The following NUDT21 variants were observed in gnomAD, a reference collection of about 807,000 sequenced individuals.
The protein encoded by NUDT21 is nudix hydrolase 21, also known as cleavage and polyadenylation specificity factor subunit 5.
Under a neutral mutation model 29.8 loss-of-function variants are expected in NUDT21, and 5 were observed. The observed-to-expected ratio is 0.17, with a 90% confidence interval of 0.09 to 0.35. The LOEUF is 0.35. NUDT21 is among the 10% of genes least tolerant of loss of function. NUDT21 has a pLI of 1.00. For synonymous variants in NUDT21, 113 were observed against 98.5 expected (o/e 1.15, Z -0.87); for missense variants, 76 against 276.0 (o/e 0.28, Z 5.13).
In NUDT21 at chr16:56,432,389, C is replaced by A. The variant is rs1280562105; in HGVS notation, c.*323G>T. 4 of 224,102 alleles carry A rather than the reference C, an allele frequency of 1.8e-5. No homozygotes were observed. The highest frequency in any genetic ancestry group is 3.5e-5 in the Non-Finnish European group (4 of 114,580). The allele number at this position is 224,102 out of a possible 1,614,324, so 13.9% of individuals were successfully genotyped here. ...GTCATTGTGTTGCAACATTCACCAT[C>A]CTAAGGTGGGGGGAAAAATGATCCT... On this transcript the variant is annotated 3_prime_UTR_variant, in exon 7 of 7. Transcript: ENST00000300291.
chr16:56,439,565 A>C lies in NUDT21; in HGVS notation c.471+92T>G. 3.5e-6 allele frequency: 3 copies of C among 856,518 alleles called. No homozygotes were observed. In the South Asian group the frequency reaches 4.3e-5, roughly 12 times the overall value. The allele number at this position is 856,518 out of a possible 1,614,324, so 53.1% of individuals were successfully genotyped here. On this transcript the variant is annotated intron_variant, in intron 4 of 6. Transcript: ENST00000300291. ...AAGGAGGGAAGAAAAGAAAATTTCA[A>C]GTCAAATTCTACTTTAATCTTTTTT...
chr16:56,447,632 A>G, intron 2 of NUDT21, 157 bp downstream of exon 2: 2 of 637,826 alleles, frequency 3.1e-6, no homozygotes, highest in South Asian at 1.9e-5. Flanking sequence ...GAGCACTGCA[A>G]TGGAGAAAAA....
chr16:56,431,631 A>C lies in NUDT21; in HGVS notation c.*1081T>G, dbSNP rs1288551776. 1 of 152,206 alleles carries C rather than the reference A, an allele frequency of 6.6e-6. No homozygotes were observed. Among genetic ancestry groups the C allele is most frequent in the Non-Finnish European group, 1.5e-5 (1 of 68,044 alleles). 9.4% of individuals were successfully genotyped at this position (152,206 alleles called of 1,614,324 possible). A position where few individuals can be genotyped will look rare whatever the true frequency, so the allele number is the denominator to read the frequency against. ...TCAACAAGTCTGTAATAAGGCATACATGCTATACTTTGATCATTAAATAAT... is the reference window on the plus strand; with the variant it reads ...TCAACAAGTCTGTAATAAGGCATACCTGCTATACTTTGATCATTAAATAAT... On this transcript the variant is annotated 3_prime_UTR_variant, in exon 7 of 7. Coordinates refer to ENST00000300291, the MANE Select transcript of NUDT21 (RefSeq NM_007006.3).
chr16:56,435,597 G>A lies in NUDT21; in HGVS notation c.472-768C>T, dbSNP rs747387403. Among the ~76,000 whole-genome samples the A allele has an allele frequency of 1.6e-3, 231 of 147,450 alleles. No individual in the cohort carries two copies. The Middle Eastern group carries it at 0.035, about 22-fold the overall frequency. On this transcript the variant is annotated intron_variant, in intron 4 of 6. Coordinates refer to ENST00000300291, the MANE Select transcript of NUDT21 (RefSeq NM_007006.3). ...AAAAATTAGCCAGGCGTGGTGGCGG[G>A]CGCCTGTAGTCCCAGCTACTCGGGA... is the stretch of plus-strand genomic sequence containing the variant.
rs557951016 is a variant in NUDT21, at chr16:56,429,295, T to C, written c.*3417A>G. On this transcript the variant is annotated 3_prime_UTR_variant, in exon 7 of 7. Coordinates refer to ENST00000300291, the MANE Select transcript of NUDT21 (RefSeq NM_007006.3). The stretch of plus-strand genomic sequence containing the variant: ...CAGAAAAGTTCTCAAAACCAAACTA[T>C]AAATGATGCTTGAATACTATGATGT... 3.9e-5 allele frequency: 6 copies of C among 152,376 alleles called. No individual in the cohort carries two copies. The highest frequency in any genetic ancestry group is 1.4e-4 in the African/African-American group (6 of 41,582). The allele number at this position is 152,376 out of a possible 1,614,324, so 9.4% of individuals were successfully genotyped here. A position where few individuals can be genotyped will look rare whatever the true frequency, so the allele number is the denominator to read the frequency against.
intron 3 of NUDT21, among the ~76,000 whole-genome samples, chr16:56,441,063 T>G (rs1004408471): frequency 6.6e-6 from 1 of 151,788 alleles, no homozygotes; most frequent in Non-Finnish European, 1.5e-5. Flanking sequence ...TTTTAAGAGA[T>G]AGGGTCTTGC....
chr16:56,446,586 G>A, intron 3 of NUDT21, 40 bp downstream of exon 3: 5 of 1,171,858 alleles, frequency 4.3e-6, no homozygotes, highest in Non-Finnish European at 6.2e-6. Context: ...CAAATAACTA[G>A]TAAGTTGATG....
Position 56,444,393 on chromosome 16 carries a change from G to C in NUDT21, c.381+2233C>G, listed in dbSNP as rs545887959. ...GAGGTCAGGAGTTCGAGACCAACCTGGCCGACACGGTGAAACCCCATCTCT... is the reference window on the plus strand; with the variant it reads ...GAGGTCAGGAGTTCGAGACCAACCTCGCCGACACGGTGAAACCCCATCTCT... On this transcript the variant is annotated intron_variant, in intron 3 of 6. Transcript: ENST00000300291. Among the ~76,000 whole-genome samples the C allele has an allele frequency of 2.0e-5, 3 of 152,118 alleles. No homozygotes were observed. In the South Asian group the frequency reaches 6.2e-4, roughly 32 times the overall value.
chr16:56,435,768 T>TATATATATAC (rs1962096262), intron 4 of NUDT21, among the ~76,000 whole-genome samples: 1 of 97,190 alleles, frequency 1.0e-5, no homozygotes, highest in South Asian at 4.1e-4. Flanking sequence ...TATATATATA[T>TATATATATAC]ATATATATAT....
rs1479587879 is a variant in NUDT21, at chr16:56,429,490, G to GT, written c.*3221dup. ...TCTAGAGTTACCTAGGTTTTAGTAA[G>GT]TTTTTTTCCACAAAAACAAGCTTAA... On this transcript the variant is annotated 3_prime_UTR_variant, in exon 7 of 7. Coordinates refer to ENST00000300291, the MANE Select transcript of NUDT21 (RefSeq NM_007006.3). 2.6e-5 allele frequency: 4 copies of GT among 152,080 alleles called. No individual in the cohort carries two copies. The highest frequency in any genetic ancestry group is 9.7e-5 in the African/African-American group (4 of 41,404). The allele number at this position is 152,080 out of a possible 1,614,324, so 9.4% of individuals were successfully genotyped here. A position where few individuals can be genotyped will look rare whatever the true frequency, so the allele number is the denominator to read the frequency against.
At chr16:56,442,931 C>T (rs1479062420) in intron 3 of NUDT21, among the ~76,000 whole-genome samples, 1 of 151,944 alleles carries the variant, frequency 6.6e-6, no homozygotes, top group East Asian at 1.9e-4. Flanking sequence ...GCTAAAATGT[C>T]TTTTTAATAG....
chr16:56,451,093 A>T lies in NUDT21; in HGVS notation c.110T>A (p.Ile37Asn). 1 of 1,613,106 alleles carries T rather than the reference A, an allele frequency of 6.2e-7. No individual in the cohort carries two copies. The highest frequency in any genetic ancestry group is 8.5e-7 in the Non-Finnish European group (1 of 1,179,284). Residue 37 changes from isoleucine (I) to asparagine (N), a missense_variant, in exon 1 of 7, where the codon ATC becomes AAC. Ile to Asn is a moderately radical substitution (Grantham distance 149). Around this residue, in one of 5 missense-constraint regions of NUDT21, gnomAD observed 20 missense variants for 26.3 expected, o/e 0.76. Transcript: ENST00000300291. ...QTKPLTLERT[I>N]NLYPLTNYTF... is the part of the protein sequence containing the mutation. ...AAGGCCGCGCCGCACTTACAGGTTG[A>T]TGGTGCGCTCCAGGGTGAGGGGCTT...
At chr16:56,437,014 CA>C (rs1208494832) in intron 4 of NUDT21, among the ~76,000 whole-genome samples, 7 of 151,388 alleles carry the variant, frequency 4.6e-5, no homozygotes, top group African/African-American at 1.5e-4. Flanking sequence ...TTCAGGAAGC[CA>C]AAAAAAAGTT....
At chr16:56,450,053 G>C (rs576322381) in intron 1 of NUDT21, among the ~76,000 whole-genome samples, 11 of 152,252 alleles carry the variant, frequency 7.2e-5, no homozygotes, top group African/African-American at 2.6e-4. Flanking sequence ...TTTGGTTGGG[G>C]GACGGGGAGA....
intron 3 of NUDT21, among the ~76,000 whole-genome samples, chr16:56,441,951 G>A (rs1962164202): frequency 6.6e-6 from 1 of 152,100 alleles, no homozygotes; most frequent in African/African-American, 2.4e-5. Flanking sequence ...GCGCAATGGC[G>A]CGATCTCCAC....
chr16:56,450,805 G>T (rs1164751454), intron 1 of NUDT21, among the ~76,000 whole-genome samples: 3 of 152,242 alleles, frequency 2.0e-5, no homozygotes, highest in Admixed American at 2.0e-4. Context: ...GTTACCTCTG[G>T]AGAGGTGGGG....
At chr16:56,446,008 T>C (rs1045262182) in intron 3 of NUDT21, among the ~76,000 whole-genome samples, 3 of 152,202 alleles carry the variant, frequency 2.0e-5, no homozygotes, top group Non-Finnish European at 4.4e-5. Flanking sequence ...ATGAGCTTTG[T>C]AACAGGGGCA....
Position 56,442,510 on chromosome 16 carries a change from A to C in NUDT21, c.382-2764T>G, listed in dbSNP as rs78779422. Reference sequence around the variant, plus strand: ...TTTCTGATTTTGATGTTTTGCATTTAACCTCTCTGCTTACCAATCCTCCAC... The same window carrying C: ...TTTCTGATTTTGATGTTTTGCATTTCACCTCTCTGCTTACCAATCCTCCAC... On this transcript the variant is annotated intron_variant, in intron 3 of 6. Transcript: ENST00000300291. Among the ~76,000 whole-genome samples the C allele has an allele frequency of 4.7e-3, 718 of 152,306 alleles. 5 individuals carry two copies. The highest frequency in any genetic ancestry group is 0.016 in the African/African-American group (683 of 41,566).
intron 1 of NUDT21, among the ~76,000 whole-genome samples, chr16:56,450,299 C>T (rs1286346524): frequency 1.3e-5 from 2 of 152,216 alleles, no homozygotes; most frequent in Non-Finnish European, 2.9e-5. Flanking sequence ...TTACCTGCTA[C>T]AGCGAGTCTG....
Sources: allele counts gnomAD v4.1 joint callset (sites outside exome capture counted in the v4.1 genomes callset), GRCh38; gene constraint gnomAD v4.1.1; regional missense constraint gnomAD v4.1.1; transcripts MANE v1.5; gene names NCBI Gene and HGNC (gene_info 2026-07-23, HGNC 2026-07-21).